CDYL: variants seen among roughly 807,000 people sequenced by gnomAD.
The protein encoded by CDYL is chromodomain Y like.
Under a neutral mutation model 47.3 loss-of-function variants are expected in CDYL, and 8 were observed. That is an observed-to-expected ratio of 0.17 (90% confidence interval 0.10 to 0.31). The LOEUF is 0.31. Among genes scored for constraint, CDYL ranks in the 10% least tolerant of loss-of-function variants. CDYL has a pLI of 1.00. For synonymous variants in CDYL, 266 were observed against 265.0 expected (o/e 1.00, Z -0.04); for missense variants, 471 against 701.4 (o/e 0.67, Z 3.71).
chr6:4,945,542 CTG>C (rs1332123708), intron 5 of CDYL, among the ~76,000 whole-genome samples: 1 of 152,246 alleles, frequency 6.6e-6, no homozygotes, highest in Non-Finnish European at 1.5e-5. Context: ...GGCCTGCTCA[CTG>C]TGCCCAGCTC....
intron 1 of CDYL, among the ~76,000 whole-genome samples, chr6:4,815,915 C>G (rs528409332): frequency 1.3e-5 from 2 of 149,014 alleles, no homozygotes; most frequent in South Asian, 2.1e-4. Context: ...TTAAAAAGTC[C>G]TTTTCTTTAT....
intron 2 of CDYL, among the ~76,000 whole-genome samples, chr6:4,901,463 C>G (rs936860912): frequency 6.6e-6 from 1 of 152,178 alleles, no homozygotes; most frequent in Non-Finnish European, 1.5e-5. Context: ...TCTCTAGCCT[C>G]TTCCGAGCAT....
chr6:4,883,318 G>C (rs1761813674), intron 1 of CDYL, among the ~76,000 whole-genome samples: 1 of 152,096 alleles, frequency 6.6e-6, no homozygotes, highest in Non-Finnish European at 1.5e-5. Context: ...AAAAAGCCCT[G>C]GTGTGGTTCT....
chr6:4,846,447 A>G (rs183416720), intron 1 of CDYL, among the ~76,000 whole-genome samples: 1 of 152,360 alleles, frequency 6.6e-6, no homozygotes, highest in African/African-American at 2.4e-5. Context: ...TACACTATAC[A>G]TGACAAAATC....
chr6:4,734,648 A>AGGG, intron 2 of CDYL: 7 of 1,387,824 alleles, frequency 5.0e-6, no homozygotes, highest in Admixed American at 2.3e-5. Flanking sequence ...CTCCTAATTC[A>AGGG]GGAAGGGGAG....
chr6:4,737,416 G>T (rs920568909), intron 3 of CDYL, among the ~76,000 whole-genome samples: 2 of 152,148 alleles, frequency 1.3e-5, no homozygotes, highest in Non-Finnish European at 2.9e-5. Context: ...ACTTTGGGAG[G>T]CTGAGGCGGG....
chr6:4,902,437 G>A (rs1054288241), intron 2 of CDYL, among the ~76,000 whole-genome samples: 51 of 151,426 alleles, frequency 3.4e-4, no homozygotes, highest in Non-Finnish European at 7.1e-4. Flanking sequence ...TAGGTACTGA[G>A]CAAGCCTGGA....
At chr6:4,790,592 A>G (rs2127434513) in intron 1 of CDYL, among the ~76,000 whole-genome samples, 1 of 152,322 alleles carries the variant, frequency 6.6e-6, no homozygotes, top group Middle Eastern at 3.4e-3. Context: ...GACTTGACTA[A>G]AGCAATGACA....
At position 4,835,831 on chromosome 6, in the gene CDYL, A is replaced by G. The variant is rs1456836245; in HGVS notation, c.25-55882A>G. Among the ~76,000 whole-genome samples, 3 of 151,996 alleles carry G rather than the reference A, an allele frequency of 2.0e-5. No homozygotes were observed. The East Asian group carries it at 5.8e-4, about 29-fold the overall frequency. On this transcript the variant is annotated intron_variant, in intron 1 of 6. Coordinates refer to ENST00000397588, the MANE Select transcript of CDYL (RefSeq NM_004824.4). ...TTGCCGCCTTGCAGTTTGATCTCAG[A>G]CTGCTGTGCTAGCAGTCAGCGAGAC...
chr6:4,777,889 C>G (rs1354596326), intron 1 of CDYL, among the ~76,000 whole-genome samples: 3 of 152,206 alleles, frequency 2.0e-5, no homozygotes, highest in Admixed American at 6.5e-5. Context: ...CAGAAGTTCT[C>G]AGGAGGAAGC....
chr6:4,825,629 A>G (rs73717735), intron 1 of CDYL, among the ~76,000 whole-genome samples: 2,100 of 152,256 alleles, frequency 0.014, 40 homozygotes, highest in African/African-American at 0.048. Flanking sequence ...CTAATGCAAT[A>G]TATTACATTG....
chr6:4,726,993 C>T (rs1246092126), intron 2 of CDYL, among the ~76,000 whole-genome samples: 1 of 152,126 alleles, frequency 6.6e-6, no homozygotes, highest in Non-Finnish European at 1.5e-5. Context: ...TTAGTCTCCC[C>T]ACCCTCAAAC....
chr6:4,934,938 A>C (rs1232078166), intron 2 of CDYL, among the ~76,000 whole-genome samples: 1 of 152,212 alleles, frequency 6.6e-6, no homozygotes, highest in African/African-American at 2.4e-5. Flanking sequence ...AACTGGAACA[A>C]GTAGATGGAC....
chr6:4,710,811 A>C (rs1757138345), intron 1 of CDYL, among the ~76,000 whole-genome samples: 1 of 152,034 alleles, frequency 6.6e-6, no homozygotes, highest in Non-Finnish European at 1.5e-5. Flanking sequence ...CACTACTATC[A>C]TCCCTTTCTA....
chr6:4,785,165 C>T (rs1005470575), intron 1 of CDYL, among the ~76,000 whole-genome samples: 4 of 152,214 alleles, frequency 2.6e-5, no homozygotes, highest in Non-Finnish European at 5.9e-5. Flanking sequence ...AAGCAATAGG[C>T]TCTACCATAC....
rs150612356 is a variant in CDYL, at chr6:4,892,096, G to A, written c.408G>A (p.Ala136=). Reference sequence around the variant, plus strand: ...CCAGCCGGAAGAACATGGACCTAGCGAAGTCAGGTATCAAGATCCTCGTGC... The same window carrying A: ...CCAGCCGGAAGAACATGGACCTAGCAAAGTCAGGTATCAAGATCCTCGTGC... ...SLSSRKNMDL[A]KSGIKILVPK... Residue 136 remains alanine, a synonymous_variant, in exon 2 of 7, where the codon GCG becomes GCA. Transcript: ENST00000397588. 2.4e-5 allele frequency: 38 copies of A among 1,614,088 alleles called. No homozygotes were observed. Among genetic ancestry groups the A allele is most frequent in the African/African-American group, 9.3e-5 (7 of 74,922 alleles).
At chr6:4,947,948 T>C (rs1274193172) in intron 5 of CDYL, among the ~76,000 whole-genome samples, 4 of 152,170 alleles carry the variant, frequency 2.6e-5, no homozygotes, top group South Asian at 2.1e-4. Context: ...GGCAGTTTGC[T>C]GGGGTGGGGA....
chr6:4,714,289 T>C (rs1485729659), intron 1 of CDYL: 1 of 151,694 alleles, frequency 6.6e-6, no homozygotes, highest in Non-Finnish European at 1.5e-5. Context: ...TCTGACAGAG[T>C]AAGGAAGATA....
intron 3 of CDYL, among the ~76,000 whole-genome samples, chr6:4,764,697 T>G (rs1758226143): frequency 6.6e-6 from 1 of 152,206 alleles, no homozygotes. Flanking sequence ...TTTAAACTTG[T>G]ATGTACCTAG....
Sources: allele counts gnomAD v4.1 joint callset (sites outside exome capture counted in the v4.1 genomes callset), GRCh38; gene constraint gnomAD v4.1.1; transcripts MANE v1.5; gene names NCBI Gene and HGNC (gene_info 2026-07-23, HGNC 2026-07-21).